ENPP3: variants seen among roughly 807,000 people sequenced by gnomAD.
The protein encoded by ENPP3 is ectonucleotide pyrophosphatase/phosphodiesterase 3, also known as ectonucleotide pyrophosphatase/phosphodiesterase family member 3.
A neutral mutation model predicts 117.8 loss-of-function variants in ENPP3; 104 were observed. The ratio of observed to expected loss-of-function variants is 0.88; its 90% CI spans 0.75 to 1.04. The LOEUF is 1.04. Ranked by LOEUF, ENPP3 falls within the 50% of genes least tolerant of loss-of-function variation. The pLI is 0.00. For missense variants in ENPP3, 1,026 were observed against 1,051.9 expected (o/e 0.98, Z 0.34); for synonymous variants, 380 against 349.9 (o/e 1.09, Z -0.96).
chr6:131,689,548 C>A (rs1458446836), intron 14 of ENPP3, among the ~76,000 whole-genome samples: 1 of 152,144 alleles, frequency 6.6e-6, no homozygotes, highest in Non-Finnish European at 1.5e-5. Context: ...AGGTTCCTTT[C>A]TAAAGATTGC....
chr6:131,721,245 GT>G (rs1179351015), intron 17 of ENPP3, among the ~76,000 whole-genome samples: 1 of 152,204 alleles, frequency 6.6e-6, no homozygotes, highest in Non-Finnish European at 1.5e-5. Context: ...CAATTTCGCT[GT>G]TAGCTTTAGA....
chr6:131,740,401 T>C (rs887974035), intron 24 of ENPP3, 21 bp downstream of exon 24: 7 of 1,516,330 alleles, frequency 4.6e-6, no homozygotes, highest in Non-Finnish European at 4.4e-6. Flanking sequence ...TTTGGGAGGG[T>C]CCAGGACCCG....
chr6:131,686,520 A>G (rs1779157502), intron 14 of ENPP3, among the ~76,000 whole-genome samples: 1 of 152,108 alleles, frequency 6.6e-6, no homozygotes, highest in Non-Finnish European at 1.5e-5. Flanking sequence ...TTTTTTAAAA[A>G]ATTCAACTTT....
rs752708336 is a variant in ENPP3, at chr6:131,720,327, G to A, written c.1515G>A (p.Glu505=). Residue 505 remains glutamate, a synonymous_variant, in exon 17 of 25, where the codon GAG becomes GAA. Coordinates refer to ENST00000357639, the MANE Select transcript of ENPP3 (RefSeq NM_005021.5). ...TGGCACATGGACCCAGTTTTAAAGA[G>A]AAGACTGAAGTTGAACCATTTGAAA... ...IFLAHGPSFK[E]KTEVEPFENI... The A allele has an allele frequency of 6.2e-7, 1 of 1,601,352 alleles. No individual in the cohort carries two copies. Among genetic ancestry groups the A allele is most frequent in the South Asian group, 1.1e-5 (1 of 89,142 alleles).
intron 15 of ENPP3, among the ~76,000 whole-genome samples, chr6:131,697,839 G>A (rs1179725739): frequency 2.0e-5 from 3 of 152,086 alleles, no homozygotes; most frequent in African/African-American, 4.8e-5. Context: ...CATGGCCCAG[G>A]GGTTGGGGAC....
chr6:131,676,861 G>A (rs1225197324), intron 10 of ENPP3, 60 bp downstream of exon 10: 13 of 865,980 alleles, frequency 1.5e-5, no homozygotes, highest in Non-Finnish European at 2.1e-5. Flanking sequence ...AAAAAATGAA[G>A]TTTTTTTTTT....
In ENPP3 at chr6:131,685,876, T is replaced by A; in HGVS notation, c.1253T>A (p.Phe418Tyr). Residue 418 changes from phenylalanine (F) to tyrosine (Y), a missense_variant and splice_region_variant, in exon 14 of 25, where the codon TTT (phenylalanine) becomes TAT (tyrosine). Physicochemically the swap from Phe to Tyr is conservative, Grantham distance 22. Coordinates refer to ENST00000357639, the MANE Select transcript of ENPP3 (RefSeq NM_005021.5). ...AHNIPHDFFSFNSEEIVRNLS... is the reference protein window; with the variant it reads ...AHNIPHDFFSYNSEEIVRNLS... ...TTTATTTCTTTTTCTTTTGAAACAG[T>A]TAATTCTGAGGAAATTGTTAGAAAC... The A allele has an allele frequency of 1.0e-6, 1 of 958,976 alleles. No individual in the cohort carries two copies. Among genetic ancestry groups the A allele is most frequent in the Non-Finnish European group, 1.6e-6 (1 of 613,352 alleles). 59.4% of individuals were successfully genotyped at this position (958,976 alleles called of 1,614,324 possible). A position where few individuals can be genotyped will look rare whatever the true frequency, so the allele number is the denominator to read the frequency against.
intron 6 of ENPP3, among the ~76,000 whole-genome samples, chr6:131,667,647 C>T (rs1778645919): frequency 1.3e-5 from 2 of 152,148 alleles, no homozygotes; most frequent in Admixed American, 6.5e-5. Flanking sequence ...CATATAGCAT[C>T]GTTCTGGGAA....
At chr6:131,663,808 C>A (rs983571675) in intron 6 of ENPP3, among the ~76,000 whole-genome samples, 1 of 151,990 alleles carries the variant, frequency 6.6e-6, no homozygotes, top group Non-Finnish European at 1.5e-5. Flanking sequence ...TACTGCACTG[C>A]CAGTCATAAA....
At position 131,700,280 on chromosome 6, in the gene ENPP3, A is replaced by G; in HGVS notation, c.1412+6656A>G. On this transcript the variant is annotated intron_variant, in intron 15 of 24. Coordinates refer to ENST00000357639, the MANE Select transcript of ENPP3 (RefSeq NM_005021.5). ...CAACTTGAAGAGATCAATTTCTAGAATTTCATCCCACATCTGCTGAAATCA... is the reference window on the plus strand; with the variant it reads ...CAACTTGAAGAGATCAATTTCTAGAGTTTCATCCCACATCTGCTGAAATCA... 1.3e-5 allele frequency: 3 copies of G among 230,296 alleles called. 1 individual carries two copies. The highest frequency in any genetic ancestry group is 9.2e-5 in the South Asian group (3 of 32,510). 14.3% of individuals were successfully genotyped at this position (230,296 alleles called of 1,614,324 possible). A position where few individuals can be genotyped will look rare whatever the true frequency, so the allele number is the denominator to read the frequency against.
chr6:131,670,084 C>G, intron 6 of ENPP3, among the ~76,000 whole-genome samples: 1 of 152,144 alleles, frequency 6.6e-6, no homozygotes, highest in East Asian at 1.9e-4. Flanking sequence ...TTGAAAACAA[C>G]AGAACAATGA....
At chr6:131,652,925 C>G in intron 5 of ENPP3, 34 bp downstream of exon 5, 1 of 1,453,054 alleles carries the variant, frequency 6.9e-7, no homozygotes, top group East Asian at 2.3e-5. Flanking sequence ...TTTTATCCTC[C>G]TTTAACAAAG....
intron 5 of ENPP3, among the ~76,000 whole-genome samples, chr6:131,656,308 G>A (rs932097768): frequency 3.3e-5 from 5 of 151,982 alleles, no homozygotes; most frequent in Admixed American, 6.6e-5. Flanking sequence ...TTTAGCAATC[G>A]GAGAAATAAA....
rs1167372507 is a variant in ENPP3, at chr6:131,724,988, C to T, written c.1798+897C>T. ...CTTTGGGAGGCTGAGGCAGACAGAT[C>T]ACTTGAGGTGAGGAGTTCAAGACCA... On this transcript the variant is annotated intron_variant, in intron 19 of 24. Transcript: ENST00000357639. Among the ~76,000 whole-genome samples, 10 of 149,584 alleles carry T rather than the reference C, an allele frequency of 6.7e-5. No individual in the cohort carries two copies. The South Asian group carries it at 1.5e-3, about 22-fold the overall frequency.
At position 131,676,725 on chromosome 6, in the gene ENPP3, T is replaced by A; in HGVS notation, c.873-11T>A. The A allele has an allele frequency of 1.0e-5, 16 of 1,556,682 alleles. No homozygotes were observed. The highest frequency in any genetic ancestry group is 1.3e-5 in the Non-Finnish European group (15 of 1,127,886). On this transcript the variant is annotated splice_polypyrimidine_tract_variant and intron_variant, in intron 9 of 24. Coordinates refer to ENST00000357639, the MANE Select transcript of ENPP3 (RefSeq NM_005021.5). ...TCATTTTAAAGAATTATTTCTACCCTATTTTTTCAGAAGTGTCCCATTTGA... is the reference window on the plus strand; with the variant it reads ...TCATTTTAAAGAATTATTTCTACCCAATTTTTTCAGAAGTGTCCCATTTGA...
intron 20 of ENPP3, among the ~76,000 whole-genome samples, chr6:131,729,416 C>T (rs1413373386): frequency 6.6e-6 from 1 of 152,200 alleles, no homozygotes; most frequent in Non-Finnish European, 1.5e-5. Flanking sequence ...ATTTTATCCT[C>T]TGTTCAGGTT....
chr6:131,727,586 A>G (rs1293548554), intron 20 of ENPP3, among the ~76,000 whole-genome samples: 1 of 151,808 alleles, frequency 6.6e-6, no homozygotes, highest in Non-Finnish European at 1.5e-5. Flanking sequence ...AAACAGCAAC[A>G]AAACTTTAAA....
chr6:131,713,285 CT>C (rs2114506743), intron 15 of ENPP3, among the ~76,000 whole-genome samples: 1 of 150,050 alleles, frequency 6.7e-6, no homozygotes, highest in South Asian at 2.1e-4. Flanking sequence ...TTGGGTATGT[CT>C]TTATTAGCAG....
chr6:131,658,040 A>T (rs1416768422), intron 5 of ENPP3, among the ~76,000 whole-genome samples: 2 of 151,836 alleles, frequency 1.3e-5, no homozygotes, highest in Non-Finnish European at 2.9e-5. Flanking sequence ...CTGTAATCCC[A>T]GCTACTCTGA....
Sources: allele counts gnomAD v4.1 joint callset (sites outside exome capture counted in the v4.1 genomes callset), GRCh38; gene constraint gnomAD v4.1.1; transcripts MANE v1.5; gene names NCBI Gene and HGNC (gene_info 2026-07-23, HGNC 2026-07-21).